SPINK13: variants seen among roughly 807,000 people sequenced by gnomAD.
SPINK13 encodes the protein serine protease inhibitor Kazal-type 13.
Under a neutral mutation model 11.0 loss-of-function variants are expected in SPINK13, and 11 were observed. The ratio of observed to expected loss-of-function variants is 1.00; its 90% CI spans 0.63 to 1.65. SPINK13 has a LOEUF of 1.65. Ranked by LOEUF, SPINK13 falls within the 40% of genes most tolerant of loss-of-function variation. The pLI is 0.00. For synonymous variants in SPINK13, 31 were observed against 35.6 expected (o/e 0.87, Z 0.46); for missense variants, 113 against 117.7 (o/e 0.96, Z 0.19).
intron 4 of SPINK13, 42 bp downstream of exon 4, chr5:148,282,273 C>T (rs1561753238): frequency 6.2e-7 from 1 of 1,604,304 alleles, no homozygotes; most frequent in South Asian, 1.1e-5. Context: ...CCCTCTACTT[C>T]TTCACAGAAA....
intron 1 of SPINK13, 66 bp from the exon 2 acceptor site, chr5:148,269,974 G>T: frequency 8.6e-7 from 1 of 1,156,184 alleles, no homozygotes; most frequent in Non-Finnish European, 1.3e-6. Context: ...TTAGGGTATT[G>T]TGTTCTCTCA....
At chr5:148,276,273 T>G in intron 3 of SPINK13, among the ~76,000 whole-genome samples, 1 of 152,226 alleles carries the variant, frequency 6.6e-6, no homozygotes, top group Admixed American at 6.5e-5. Flanking sequence ...TAGTTTATTT[T>G]GCTGTGCAGA....
At position 148,286,102 on chromosome 5, in the gene SPINK13, G is replaced by A; in HGVS notation, c.*54G>A. The A allele has an allele frequency of 2.6e-6, 3 of 1,174,002 alleles. No individual in the cohort carries two copies. Among genetic ancestry groups the A allele is most frequent in the Non-Finnish European group, 3.5e-6 (3 of 845,424 alleles). 72.7% of individuals were successfully genotyped at this position (1,174,002 alleles called of 1,614,324 possible). On this transcript the variant is annotated 3_prime_UTR_variant, in exon 5 of 5. Coordinates refer to ENST00000398450, the MANE Select transcript of SPINK13 (RefSeq NM_001040129.3). ...TTCTTTTTCTACTTAATTCAGAATA[G>A]TATTTCTTTTAGAGTGTGAGAATGT...
intron 3 of SPINK13, among the ~76,000 whole-genome samples, chr5:148,280,049 T>C (rs1228227531): frequency 6.6e-6 from 1 of 152,162 alleles, no homozygotes; most frequent in Non-Finnish European, 1.5e-5. Flanking sequence ...CAATCTCTGA[T>C]ATCCTTTCTT....
chr5:148,275,385 G>A (rs1403905682), intron 3 of SPINK13, among the ~76,000 whole-genome samples: 3 of 152,022 alleles, frequency 2.0e-5, no homozygotes, highest in South Asian at 2.1e-4. Flanking sequence ...GTCTATCATC[G>A]ATGGGCATTT....
intron 3 of SPINK13, among the ~76,000 whole-genome samples, chr5:148,279,115 T>TTTTTTTTC (rs1756475728): frequency 7.1e-6 from 1 of 140,574 alleles, no homozygotes; most frequent in Non-Finnish European, 1.5e-5. Context: ...TTTTTTTTTT[T>TTTTTTTTC]TGCTTTCCAT....
At chr5:148,269,402 T>A (rs1163802982) in intron 1 of SPINK13, among the ~76,000 whole-genome samples, 1 of 152,182 alleles carries the variant, frequency 6.6e-6, no homozygotes, top group African/African-American at 2.4e-5. Flanking sequence ...TTTTTGTTTT[T>A]TTTTCTGATT....
chr5:148,268,929 C>G (rs535560491), intron 1 of SPINK13, 41 bp downstream of exon 1: 1 of 152,658 alleles, frequency 6.6e-6, no homozygotes. Flanking sequence ...TCCAAGTCAG[C>G]GGTGGGATCT....
At chr5:148,269,179 A>G (rs1756309860) in intron 1 of SPINK13, among the ~76,000 whole-genome samples, 1 of 152,222 alleles carries the variant, frequency 6.6e-6, no homozygotes, top group African/African-American at 2.4e-5. Flanking sequence ...CACTCCTAGC[A>G]AAGAAAAGTT....
At chr5:148,276,827 CT>C (rs1756436706) in intron 3 of SPINK13, among the ~76,000 whole-genome samples, 1 of 152,158 alleles carries the variant, frequency 6.6e-6, no homozygotes, top group Non-Finnish European at 1.5e-5. Context: ...TCAATGATAG[CT>C]TGATGGGAAT....
At chr5:148,282,063 G>A (rs770305881) in intron 3 of SPINK13, 41 bp from the exon 4 acceptor site, 3 of 1,607,294 alleles carry the variant, frequency 1.9e-6, no homozygotes, top group Admixed American at 1.7e-5. Flanking sequence ...AGATGGGAGA[G>A]AGTGTATTAT....
chr5:148,279,237 G>A (rs1756477970), intron 3 of SPINK13, among the ~76,000 whole-genome samples: 1 of 151,086 alleles, frequency 6.6e-6, no homozygotes, highest in Admixed American at 6.6e-5. Context: ...TATCCAATTT[G>A]CCAGTCTGTG....
chr5:148,273,432 T>C (rs1756379420), intron 2 of SPINK13, among the ~76,000 whole-genome samples: 1 of 152,160 alleles, frequency 6.6e-6, no homozygotes, highest in African/African-American at 2.4e-5. Flanking sequence ...GAGTTAATTC[T>C]TATGTATGAT....
chr5:148,274,225 T>C (rs939726073), intron 2 of SPINK13, 122 bp from the exon 3 acceptor site: 1 of 589,786 alleles, frequency 1.7e-6, no homozygotes, highest in African/African-American at 1.9e-5. Flanking sequence ...GCTATTAAAA[T>C]TCTTTTGTAT....
At chr5:148,282,327 ACTTTTTTT>A in intron 4 of SPINK13, 96 bp downstream of exon 4, 1 of 1,439,268 alleles carries the variant, frequency 6.9e-7, no homozygotes, top group Admixed American at 2.2e-5. Flanking sequence ...ACTGATGCAT[ACTTTTTTT>A]AAAAAAATAG....
intron 3 of SPINK13, among the ~76,000 whole-genome samples, chr5:148,280,093 A>G (rs1263270103): frequency 6.6e-6 from 1 of 152,098 alleles, no homozygotes; most frequent in African/African-American, 2.4e-5. Context: ...ATACTCGTGT[A>G]TGCTTCATGA....
rs189696391 is a variant in SPINK13, at chr5:148,286,164, G to A, written c.*116G>A. The A allele has an allele frequency of 6.0e-4, 336 of 560,710 alleles. 2 individuals are homozygous for A. The South Asian group carries it at 6.7e-3, about 11-fold the overall frequency. 34.7% of individuals were successfully genotyped at this position (560,710 alleles called of 1,614,324 possible). ...CATCCCTATGCTGTACTTAAATGTCGAACAAAATGAGAGACAAAAATGAAG... is the reference window on the plus strand; with the variant it reads ...CATCCCTATGCTGTACTTAAATGTCAAACAAAATGAGAGACAAAAATGAAG... On this transcript the variant is annotated 3_prime_UTR_variant, in exon 5 of 5. Transcript: ENST00000398450.
At chr5:148,269,767 G>A (rs1309095976) in intron 1 of SPINK13, among the ~76,000 whole-genome samples, 3 of 152,140 alleles carry the variant, frequency 2.0e-5, no homozygotes, top group South Asian at 2.1e-4. Flanking sequence ...CTTTGAGTCA[G>A]CCCTGATGAA....
At chr5:148,285,664 T>C (rs1282792278) in intron 4 of SPINK13, among the ~76,000 whole-genome samples, 4 of 152,162 alleles carry the variant, frequency 2.6e-5, no homozygotes, top group South Asian at 2.1e-4. Context: ...GAATTATGCA[T>C]AGCATTATTG....
Sources: gnomAD v4.1 joint callset for allele counts (sites outside exome capture counted in the v4.1 genomes callset) on GRCh38, gnomAD v4.1.1 for gene constraint, MANE v1.5 for transcripts, NCBI Gene and HGNC (gene_info 2026-07-23, HGNC 2026-07-21) for gene names.